Variants in TMEM131 observed in about 807,000 individuals in gnomAD.
TMEM131 encodes the protein 2610524E03Rik.
In TMEM131, 66 loss-of-function variants were observed where a neutral mutation model predicts 211.6. That is an observed-to-expected ratio of 0.31 (90% confidence interval 0.26 to 0.38). The LOEUF is 0.38. TMEM131 is among the 10% of genes least tolerant of loss of function. The pLI is 1.00. For synonymous variants in TMEM131, 844 were observed against 841.3 expected, an observed-to-expected ratio of 1.00 and a Z score of -0.06; for missense variants, 2,036 against 2,299.3, an observed-to-expected ratio of 0.89 and a Z score of 2.34.
intron 11 of TMEM131, among the ~76,000 whole-genome samples, chr2:97,828,905 A>C (rs1682523134): frequency 6.6e-6 from 1 of 152,170 alleles, no homozygotes; most frequent in Non-Finnish European, 1.5e-5. Context: ...CTGTATTTTT[A>C]ATCTCCTTGT....
Position 97,805,432 on chromosome 2 carries a change from T to A in TMEM131, c.2228A>T (p.Asp743Val), listed in dbSNP as rs755571536. ...KKSKIANIYF[D>V]PGLQCGDHCY... ...ATGATCCCCACACTGTAGTCCAGGA[T>A]CAAAATAAATGTTTGCAATCTATAA... Residue 743 changes from aspartate (D) to valine (V), a missense_variant, in exon 21 of 41, where the codon GAT (aspartate) becomes GTT (valine). By Grantham distance (152) the Asp-to-Val change is radical. This residue lies in a region of TMEM131 where 1,623 missense variants were observed against 1,805.9 expected (regional missense o/e 0.90). Transcript: ENST00000186436. 1.2e-6 allele frequency: 2 copies of A among 1,613,928 alleles called. No homozygotes were observed. The highest frequency in any genetic ancestry group is 1.7e-6 in the Non-Finnish European group (2 of 1,179,868).
In TMEM131 at chr2:97,840,683, A is replaced by G. The variant is rs1033995517; in HGVS notation, c.723+1132T>C. Among the ~76,000 whole-genome samples, 3 of 152,010 alleles carry G rather than the reference A, an allele frequency of 2.0e-5. 1 individual carries two copies. Among genetic ancestry groups the G allele is most frequent in the African/African-American group, 7.3e-5 (3 of 41,340 alleles). On this transcript the variant is annotated intron_variant, in intron 7 of 40. Coordinates refer to ENST00000186436, the MANE Select transcript of TMEM131 (RefSeq NM_015348.2). ...AACAGGGAAACTACACCATTACCTA[A>G]AGTATCAAAAGGACGTAAACAACAG...
At chr2:97,855,116 T>C (rs989682827) in intron 5 of TMEM131, among the ~76,000 whole-genome samples, 12 of 152,264 alleles carry the variant, frequency 7.9e-5, no homozygotes, top group Admixed American at 6.5e-5. Context: ...GCACTTTAAG[T>C]AGACACTTCA....
At chr2:97,925,249 G>C (rs766068040) in intron 2 of TMEM131, among the ~76,000 whole-genome samples, 5 of 152,130 alleles carry the variant, frequency 3.3e-5, no homozygotes, top group Admixed American at 2.6e-4. Context: ...GTAAATGAAA[G>C]AATCTTTTGT....
At chr2:97,813,885 C>T (rs1001466025) in intron 15 of TMEM131, 86 bp downstream of exon 15, 10 of 1,078,986 alleles carry the variant, frequency 9.3e-6, no homozygotes, top group African/African-American at 4.8e-5. Context: ...AATGGCAAAC[C>T]GTATGTAACA....
At chr2:97,849,235 TA>T (rs1323061671) in intron 5 of TMEM131, among the ~76,000 whole-genome samples, 1 of 152,148 alleles carries the variant, frequency 6.6e-6, no homozygotes, top group African/African-American at 2.4e-5. Flanking sequence ...ACAGTTGTTA[TA>T]AAAAACTGTT....
chr2:97,925,605 A>C (rs1274813683), intron 2 of TMEM131, among the ~76,000 whole-genome samples: 1 of 152,112 alleles, frequency 6.6e-6, no homozygotes, highest in Non-Finnish European at 1.5e-5. Flanking sequence ...CGTGCCGTGG[A>C]GAGTTTTGAA....
intron 32 of TMEM131, among the ~76,000 whole-genome samples, chr2:97,774,586 G>C (rs1237641442): frequency 6.6e-6 from 1 of 152,208 alleles, no homozygotes; most frequent in Non-Finnish European, 1.5e-5. Context: ...TGGGAACACA[G>C]GAGGGAATGA....
rs1677035658 is a variant in TMEM131, at chr2:97,927,396, CAAT to C, written c.249+27_249+29del. On this transcript the variant is annotated intron_variant, in intron 2 of 40. Coordinates refer to ENST00000186436, the MANE Select transcript of TMEM131 (RefSeq NM_015348.2). The stretch of plus-strand genomic sequence containing the variant: ...TAACCAGATATTATTCAAGGCTTAA[CAAT>C]AACTTGTCTACTTAAAAAAAAATTA... The C allele has an allele frequency of 2.3e-5, 35 of 1,531,336 alleles. No homozygotes were observed. The Admixed American group carries it at 6.4e-4, about 28-fold the overall frequency. 94.9% of individuals were successfully genotyped at this position (1,531,336 alleles called of 1,614,324 possible). A position where few individuals can be genotyped will look rare whatever the true frequency, so the allele number is the denominator to read the frequency against.
chr2:97,852,133 T>C lies in TMEM131; in HGVS notation c.483+7171A>G, dbSNP rs1366275407. ...AGGGATAAAGCTTTAGTGGTCTGGA[T>C]GGAAGAGCTAAGCAGCCACGGCATT... On this transcript the variant is annotated intron_variant, in intron 5 of 40. Transcript: ENST00000186436. 1.5e-4 allele frequency among the ~76,000 whole-genome samples: 22 copies of C among 151,228 alleles called. 1 individual carries two copies. The highest frequency in any genetic ancestry group is 1.4e-3 in the Admixed American group (22 of 15,192).
rs1366838018 is a variant in TMEM131 at position 97,762,347 on chromosome 2, C to A, written c.4724-147G>T. The stretch of plus-strand genomic sequence containing the variant: ...AAGCTCTTAGATGTGTTCTGTTTAA[C>A]AGGTTTTAAAGAGAAAGCAGCCACA... On this transcript the variant is annotated intron_variant, in intron 35 of 40. Coordinates refer to ENST00000186436, the MANE Select transcript of TMEM131 (RefSeq NM_015348.2). 1.0e-5 allele frequency: 8 copies of A among 797,696 alleles called. No homozygotes were observed. In the East Asian group the frequency reaches 2.0e-4, roughly 20 times the overall value. 49.4% of individuals were successfully genotyped at this position (797,696 alleles called of 1,614,324 possible). A position where few individuals can be genotyped will look rare whatever the true frequency, so the allele number is the denominator to read the frequency against.
chr2:97,782,851 C>T (rs1364926906), intron 31 of TMEM131, among the ~76,000 whole-genome samples: 2 of 150,764 alleles, frequency 1.3e-5, no homozygotes, highest in African/African-American at 2.4e-5. Context: ...AAAGATCTGA[C>T]ATTTGTGTTA....
intron 11 of TMEM131, among the ~76,000 whole-genome samples, chr2:97,826,259 C>G (rs1269937869): frequency 6.6e-6 from 1 of 152,184 alleles, no homozygotes; most frequent in African/African-American, 2.4e-5. Context: ...ACTAGTGGCA[C>G]TTACCTGAGC....
chr2:97,944,060 G>A (rs1041723798), intron 1 of TMEM131, among the ~76,000 whole-genome samples: 4 of 152,012 alleles, frequency 2.6e-5, no homozygotes, highest in African/African-American at 4.8e-5. Flanking sequence ...CCAGCCTGGC[G>A]ACAGAGCAAG....
chr2:97,962,872 G>C (rs1049835045), intron 1 of TMEM131, among the ~76,000 whole-genome samples: 5 of 152,140 alleles, frequency 3.3e-5, no homozygotes, highest in Admixed American at 2.6e-4. Context: ...AATTTCAAAA[G>C]CATTATGCAA....
At chr2:97,868,222 C>A (rs965483706) in intron 4 of TMEM131, among the ~76,000 whole-genome samples, 1 of 152,194 alleles carries the variant, frequency 6.6e-6, no homozygotes, top group African/African-American at 2.4e-5. Context: ...CAAATTAACA[C>A]AGCCCTTTCA....
intron 31 of TMEM131, among the ~76,000 whole-genome samples, chr2:97,780,544 A>G (rs1014004962): frequency 2.6e-5 from 4 of 152,196 alleles, no homozygotes; most frequent in African/African-American, 9.7e-5. Flanking sequence ...TTTCTACAGG[A>G]TAAAGTTCAA....
intron 3 of TMEM131, among the ~76,000 whole-genome samples, chr2:97,903,397 T>C (rs528389585): frequency 3.3e-5 from 5 of 152,286 alleles, no homozygotes; most frequent in African/African-American, 9.6e-5. Flanking sequence ...TTAAGTGTGA[T>C]AGAATTTTTA....
intron 4 of TMEM131, among the ~76,000 whole-genome samples, chr2:97,879,161 G>A (rs558634505): frequency 2.1e-4 from 32 of 152,236 alleles, no homozygotes; most frequent in Non-Finnish European, 3.8e-4. Context: ...GAGCTTCCCA[G>A]TGGAGTGAAG....
Sources: gnomAD v4.1 joint callset for allele counts (sites outside exome capture counted in the v4.1 genomes callset) on GRCh38, gnomAD v4.1.1 for gene constraint, gnomAD v4.1.1 regional missense constraint, MANE v1.5 for transcripts, NCBI Gene and HGNC (gene_info 2026-07-23, HGNC 2026-07-21) for gene names.